The following TOX variants were observed in gnomAD, a reference collection of about 807,000 sequenced individuals.
The protein encoded by TOX is thymocyte selection-associated high mobility group box protein TOX.
Under a neutral mutation model 53.7 loss-of-function variants are expected in TOX, and 11 were observed. The observed-to-expected ratio is 0.20, with a 90% CI of 0.13 to 0.34. The LOEUF is 0.34. Ranked by LOEUF, TOX falls within the 10% of genes least tolerant of loss-of-function variation. The probability of loss-of-function intolerance (pLI) is 1.00; values close to 1 mark genes in which losing one functional copy is unlikely to be tolerated. For missense variants in TOX, 570 were observed against 664.6 expected, an observed-to-expected ratio of 0.86 and a Z score of 1.56; for synonymous variants, 225 against 245.3, an observed-to-expected ratio of 0.92 and a Z score of 0.77.
At chr8:58,929,356 C>A (rs1812221674) in intron 3 of TOX, among the ~76,000 whole-genome samples, 1 of 151,996 alleles carries the variant, frequency 6.6e-6, no homozygotes, top group South Asian at 2.1e-4. Context: ...CATACCTTTT[C>A]TCCTACACAG....
chr8:59,104,384 G>A (rs1421047096), intron 1 of TOX, among the ~76,000 whole-genome samples: 1 of 151,994 alleles, frequency 6.6e-6, no homozygotes, highest in Non-Finnish European at 1.5e-5. Flanking sequence ...ACTCCCCCTC[G>A]GAGAGCCAAG....
At chr8:59,060,672 A>G (rs1461010230) in intron 1 of TOX, among the ~76,000 whole-genome samples, 1 of 152,218 alleles carries the variant, frequency 6.6e-6, no homozygotes, top group East Asian at 1.9e-4. Flanking sequence ...TGTAATAATA[A>G]CATAAAAATA....
intron 7 of TOX, among the ~76,000 whole-genome samples, chr8:58,815,009 A>C (rs910493151): frequency 6.6e-6 from 1 of 152,250 alleles, no homozygotes; most frequent in African/African-American, 2.4e-5. Flanking sequence ...GTATCTTAAA[A>C]TAACAAATGT....
intron 4 of TOX, among the ~76,000 whole-genome samples, chr8:58,843,243 A>G (rs959966371): frequency 6.6e-6 from 1 of 152,246 alleles, no homozygotes; most frequent in Non-Finnish European, 1.5e-5. Flanking sequence ...GCCATGCAAG[A>G]AAACTGGCAT....
intron 6 of TOX, among the ~76,000 whole-genome samples, chr8:58,824,035 T>A (rs144922610): frequency 6.6e-6 from 1 of 152,152 alleles, no homozygotes; most frequent in South Asian, 2.1e-4. Context: ...AATGACCTTA[T>A]CAGAGAGAAT....
At position 58,815,409 on chromosome 8, in the gene TOX, T is replaced by G; in HGVS notation, c.1321A>C (p.Met441Leu). Reference protein sequence around the residue: ...LNMQQHQPLTMQQPLGNQLPM... With the variant: ...LNMQQHQPLTLQQPLGNQLPM... ...AGCTGGTTCCCAAGGGGCTGCTGCATGGTGAGCGGCTGGTGCTGCTGCATG... is the reference window on the plus strand; with the variant it reads ...AGCTGGTTCCCAAGGGGCTGCTGCAGGGTGAGCGGCTGGTGCTGCTGCATG... Residue 441 changes from methionine to leucine, a missense_variant, in exon 7 of 9, where the codon ATG (methionine) becomes CTG (leucine). Transcript: ENST00000361421. 1 of 1,613,854 alleles carries G rather than the reference T, an allele frequency of 6.2e-7. No individual in the cohort carries two copies.
At chr8:59,033,807 C>T (rs1814401813) in intron 1 of TOX, among the ~76,000 whole-genome samples, 1 of 152,186 alleles carries the variant, frequency 6.6e-6, no homozygotes, top group African/African-American at 2.4e-5. Flanking sequence ...AGCCTAACCT[C>T]TTGAGTGATC....
chr8:59,054,912 A>AAGAG (rs1227923719), intron 1 of TOX, among the ~76,000 whole-genome samples: 1 of 131,882 alleles, frequency 7.6e-6, no homozygotes, highest in South Asian at 2.6e-4. Flanking sequence ...AAAAGAAAGA[A>AAGAG]AGAGAAAGAA....
chr8:58,901,391 A>G (rs1249585829), intron 3 of TOX, among the ~76,000 whole-genome samples: 1 of 152,164 alleles, frequency 6.6e-6, no homozygotes, highest in Non-Finnish European at 1.5e-5. Flanking sequence ...ACCATAATTC[A>G]TAGTACCTTT....
chr8:59,053,878 G>A (rs1487779084), intron 1 of TOX, among the ~76,000 whole-genome samples: 1 of 152,066 alleles, frequency 6.6e-6, no homozygotes, highest in Non-Finnish European at 1.5e-5. Flanking sequence ...TTTATGTAAA[G>A]CAAACATATT....
chr8:59,003,427 T>C (rs1433221099), intron 1 of TOX, among the ~76,000 whole-genome samples: 1 of 152,212 alleles, frequency 6.6e-6, no homozygotes, highest in African/African-American at 2.4e-5. Context: ...CAGAGATCTA[T>C]TAGCGATGGG....
chr8:58,993,369 T>C (rs1015998878), intron 1 of TOX, among the ~76,000 whole-genome samples: 2 of 152,176 alleles, frequency 1.3e-5, no homozygotes, highest in African/African-American at 4.8e-5. Flanking sequence ...CTGACATTGA[T>C]GGATATTAAT....
intron 3 of TOX, among the ~76,000 whole-genome samples, chr8:58,853,823 TACTA>T (rs1810866312): frequency 6.6e-6 from 1 of 152,340 alleles, no homozygotes; most frequent in Admixed American, 6.5e-5. Context: ...TATGAAATAA[TACTA>T]ACTTTCACTG....
intron 2 of TOX, among the ~76,000 whole-genome samples, chr8:58,942,958 C>T (rs918120236): frequency 8.5e-5 from 13 of 152,208 alleles, no homozygotes; most frequent in African/African-American, 2.9e-4. Context: ...TGAAGCCTCA[C>T]CAGAAGTTGA....
intron 1 of TOX, among the ~76,000 whole-genome samples, chr8:59,066,833 A>G (rs1354083801): frequency 6.6e-6 from 1 of 152,242 alleles, no homozygotes; most frequent in Non-Finnish European, 1.5e-5. Flanking sequence ...CTCAACTTAC[A>G]AGCTTGAGGG....
In TOX at chr8:58,915,714, C is replaced by T. The variant is rs557594428; in HGVS notation, c.411+23588G>A. 1.6e-4 allele frequency among the ~76,000 whole-genome samples: 24 copies of T among 151,956 alleles called. No individual in the cohort carries two copies. The South Asian group carries it at 3.3e-3, about 21-fold the overall frequency. On this transcript the variant is annotated intron_variant, in intron 3 of 8. Transcript: ENST00000361421. ...AAAGCTGGATGGAGAATGATTTTCA[C>T]GAGCTGAGAGAAGAAGGCTTCAGAC...
chr8:58,873,958 C>CTGTTTTTTTTT (rs1491588338), intron 3 of TOX, among the ~76,000 whole-genome samples: 1 of 40,128 alleles, frequency 2.5e-5, no homozygotes, highest in Non-Finnish European at 3.9e-5. Flanking sequence ...TGCCAGGAAG[C>CTGTTTTTTTTT]TTTTTTTTTT....
chr8:59,094,791 T>C (rs957427640), intron 1 of TOX, among the ~76,000 whole-genome samples: 1 of 152,118 alleles, frequency 6.6e-6, no homozygotes, highest in African/African-American at 2.4e-5. Context: ...CTTAAAGTTA[T>C]CTAAGCCCCC....
At chr8:58,997,003 A>G (rs1813572054) in intron 1 of TOX, among the ~76,000 whole-genome samples, 1 of 152,210 alleles carries the variant, frequency 6.6e-6, no homozygotes. Flanking sequence ...AGTTTTAGAA[A>G]TGCACCACTA....
Sources: allele counts gnomAD v4.1 joint callset (sites outside exome capture counted in the v4.1 genomes callset), GRCh38; gene constraint gnomAD v4.1.1; transcripts MANE v1.5; gene names NCBI Gene and HGNC (gene_info 2026-07-23, HGNC 2026-07-21).